Variants in USP53 observed in about 807,000 individuals in gnomAD.
USP53 encodes the protein ubiquitin specific peptidase 53, also known as ubiquitin carboxyl-terminal hydrolase 53.
USP53 carries 71 observed loss-of-function variants against 94.9 expected under a neutral mutation model. The observed-to-expected ratio is 0.75, with a 90% CI of 0.62 to 0.91. The LOEUF (loss-of-function observed/expected upper bound fraction) is 0.91. Ranked by LOEUF, USP53 falls within the 40% of genes least tolerant of loss-of-function variation. USP53 has a pLI of 0.00. For missense variants in USP53, 1,173 were observed against 1,281.0 expected (o/e 0.92, Z 1.29); for synonymous variants, 375 against 422.7 (o/e 0.89, Z 1.39).
chr4:119,258,497 G>A (rs960307217), intron 9 of USP53, among the ~76,000 whole-genome samples: 2 of 152,160 alleles, frequency 1.3e-5, no homozygotes, highest in African/African-American at 4.8e-5. Flanking sequence ...TATTTAAATA[G>A]TTGTTTAAGT....
chr4:119,233,948 TG>T (rs1746395864), intron 3 of USP53, among the ~76,000 whole-genome samples: 1 of 152,140 alleles, frequency 6.6e-6, no homozygotes, highest in Non-Finnish European at 1.5e-5. Flanking sequence ...GTTCGACAGT[TG>T]GTGCCAAAAA....
At chr4:119,267,785 CT>C (rs555954890) in intron 13 of USP53, among the ~76,000 whole-genome samples, 87 of 152,278 alleles carry the variant, frequency 5.7e-4, no homozygotes, top group African/African-American at 2.1e-3. Context: ...TCCGAAACAG[CT>C]AGGTCATTTT....
intron 3 of USP53, among the ~76,000 whole-genome samples, chr4:119,228,634 C>A (rs1745642622): frequency 6.6e-6 from 1 of 152,072 alleles, no homozygotes; most frequent in Non-Finnish European, 1.5e-5. Flanking sequence ...CACAGGAGAG[C>A]TTCTCAGGGT....
intron 3 of USP53, among the ~76,000 whole-genome samples, chr4:119,232,549 A>T (rs1318066432): frequency 6.6e-6 from 1 of 152,160 alleles, no homozygotes; most frequent in Admixed American, 6.5e-5. Context: ...GTTGATGGAC[A>T]TTTGTTTGGG....
At chr4:119,269,254 A>G (rs1751552180) in intron 14 of USP53, among the ~76,000 whole-genome samples, 1 of 152,216 alleles carries the variant, frequency 6.6e-6, no homozygotes, top group Non-Finnish European at 1.5e-5. Context: ...TTGGAACAAG[A>G]CAACTTGGGT....
intron 14 of USP53, among the ~76,000 whole-genome samples, chr4:119,269,444 A>C (rs573006959): frequency 6.6e-6 from 1 of 152,322 alleles, no homozygotes; most frequent in African/African-American, 2.4e-5. Context: ...TTTTAATGGC[A>C]GATCTCTTTC....
intron 1 of USP53, among the ~76,000 whole-genome samples, chr4:119,213,641 G>GATATATTAGATATATATATATAT (rs1553961986): frequency 1.4e-4 from 15 of 108,088 alleles, no homozygotes; most frequent in African/African-American, 5.9e-4. Flanking sequence ...TCTGGAAATA[G>GATATATTAGATATATATATATAT]ATATATATAT....
In USP53 at chr4:119,285,298, T is replaced by G. The variant is rs17050454; in HGVS notation, c.2252-5867T>G. ...TTATACCTAATGGACTTTCTTTTTT[T>G]TATGAGGTACGGTTATCTACTGAGG... On this transcript the variant is annotated intron_variant, in intron 17 of 18. Transcript: ENST00000692078. Among the ~76,000 whole-genome samples the G allele has an allele frequency of 8.5e-3, 1,295 of 152,000 alleles. 16 individuals carry two copies. The highest frequency in any genetic ancestry group is 0.029 in the African/African-American group (1,225 of 41,566).
chr4:119,290,154 T>C (rs1040704449), intron 17 of USP53, among the ~76,000 whole-genome samples: 19 of 152,176 alleles, frequency 1.2e-4, no homozygotes, highest in African/African-American at 4.3e-4. Context: ...GTATTTTATG[T>C]GGTGCCATAT....
intron 7 of USP53, among the ~76,000 whole-genome samples, chr4:119,249,182 T>C (rs1205430994): frequency 6.6e-6 from 1 of 152,232 alleles, no homozygotes; most frequent in African/African-American, 2.4e-5. Context: ...CTTAAATCAG[T>C]GTTCTGCCAC....
chr4:119,285,656 G>A (rs1254921457), intron 17 of USP53, among the ~76,000 whole-genome samples: 1 of 151,896 alleles, frequency 6.6e-6, no homozygotes, highest in African/African-American at 2.4e-5. Context: ...AATTTTGTCA[G>A]AAGTGTTTAT....
At chr4:119,279,629 C>G (rs112033545) in intron 17 of USP53, among the ~76,000 whole-genome samples, 1 of 151,808 alleles carries the variant, frequency 6.6e-6, no homozygotes, top group African/African-American at 2.4e-5. Context: ...TGGGCTCCAC[C>G]CAGTTCGAGC....
At chr4:119,229,832 A>G (rs1392003176) in intron 3 of USP53, among the ~76,000 whole-genome samples, 1 of 152,250 alleles carries the variant, frequency 6.6e-6, no homozygotes, top group Non-Finnish European at 1.5e-5. Flanking sequence ...CTTAAAACCA[A>G]CAAAAGCTTT....
At chr4:119,243,376 T>G in intron 5 of USP53, among the ~76,000 whole-genome samples, 1 of 152,044 alleles carries the variant, frequency 6.6e-6, no homozygotes, top group African/African-American at 2.4e-5. Flanking sequence ...CAGGCACCTG[T>G]AGTTCCAGCT....
intron 17 of USP53, among the ~76,000 whole-genome samples, chr4:119,289,339 C>A (rs1359574463): frequency 6.6e-6 from 1 of 152,156 alleles, no homozygotes; most frequent in Non-Finnish European, 1.5e-5. Flanking sequence ...TTGAATTATG[C>A]TAACATTTTT....
At chr4:119,278,001 C>T (rs370386789) in intron 17 of USP53, among the ~76,000 whole-genome samples, 3 of 141,130 alleles carry the variant, frequency 2.1e-5, no homozygotes, top group Admixed American at 1.4e-4. Context: ...TGTCTCTGCA[C>T]GTGAGATGGG....
At chr4:119,256,202 C>A in intron 7 of USP53, 44 bp from the exon 8 acceptor site, 1 of 1,468,840 alleles carries the variant, frequency 6.8e-7, no homozygotes, top group East Asian at 2.4e-5. Context: ...GCTGTGTTCC[C>A]TGCAAGATCA....
chr4:119,270,689 T>C (rs1055689146), intron 15 of USP53, among the ~76,000 whole-genome samples: 5 of 152,216 alleles, frequency 3.3e-5, no homozygotes, highest in Non-Finnish European at 2.9e-5. Flanking sequence ...TTTTTCTTTA[T>C]GGACAGAGCA....
chr4:119,293,065 T>C lies in USP53; in HGVS notation c.3076T>C (p.Ser1026Pro), dbSNP rs1355446001. The stretch of plus-strand genomic sequence containing the variant: ...TTGCCAACCAGAACTAGACTCTATT[T>C]CTACCTGTCCAAATGAGACAGTTTC... ...AFCQPELDSISTCPNETVSLT... is the reference protein window; with the variant it reads ...AFCQPELDSIPTCPNETVSLT... Residue 1026 changes from serine to proline, a missense_variant, in exon 19 of 19, where the codon TCT becomes CCT. By Grantham distance (74) the Ser-to-Pro change is moderately conservative. Transcript: ENST00000692078. 5 of 1,613,994 alleles carry C rather than the reference T, an allele frequency of 3.1e-6. No individual in the cohort carries two copies. The highest frequency in any genetic ancestry group is 4.2e-6 in the Non-Finnish European group (5 of 1,179,984).
Sources: gnomAD v4.1 joint callset for allele counts (sites outside exome capture counted in the v4.1 genomes callset) on GRCh38, gnomAD v4.1.1 for gene constraint, MANE v1.5 for transcripts, NCBI Gene and HGNC (gene_info 2026-07-23, HGNC 2026-07-21) for gene names.